BNC2: variants seen among roughly 807,000 people sequenced by gnomAD.
The protein encoded by BNC2 is basonuclin zinc finger protein 2, also known as zinc finger protein basonuclin-2.
A neutral mutation model predicts 76.3 loss-of-function variants in BNC2; 20 were observed. The ratio of observed to expected loss-of-function variants is 0.26; its 90% CI spans 0.18 to 0.38. The LOEUF is 0.38. BNC2 is among the 10% of genes least tolerant of loss of function. The pLI is 1.00. For synonymous variants in BNC2, 582 were observed against 514.8 expected, an observed-to-expected ratio of 1.13 and a Z score of -1.77; for missense variants, 1,382 against 1,399.8, an observed-to-expected ratio of 0.99 and a Z score of 0.20.
At chr9:16,455,412 C>T (rs568847816) in intron 5 of BNC2, among the ~76,000 whole-genome samples, 5 of 152,152 alleles carry the variant, frequency 3.3e-5, no homozygotes, top group South Asian at 4.2e-4. Flanking sequence ...TGCTCCTATA[C>T]CAAAAAGAAA....
chr9:16,781,842 G>A (rs1432146727), intron 1 of BNC2, among the ~76,000 whole-genome samples: 1 of 151,978 alleles, frequency 6.6e-6, no homozygotes, highest in African/African-American at 2.4e-5. Context: ...TGCTTTTTAT[G>A]TTAACTGTAA....
At chr9:16,810,922 T>TAA (rs918620151) in intron 1 of BNC2, among the ~76,000 whole-genome samples, 1 of 152,084 alleles carries the variant, frequency 6.6e-6, no homozygotes, top group Non-Finnish European at 1.5e-5. Flanking sequence ...CGAACTCTTT[T>TAA]AAAACAGTGT....
At chr9:16,487,278 G>A (rs116469875) in intron 5 of BNC2, among the ~76,000 whole-genome samples, 2,619 of 152,206 alleles carry the variant, frequency 0.017, 73 homozygotes, top group African/African-American at 0.059. Context: ...TGGAGGGGGC[G>A]GGCAGTTCTG....
chr9:16,541,814 G>T (rs1175325978), intron 5 of BNC2, among the ~76,000 whole-genome samples: 1 of 152,098 alleles, frequency 6.6e-6, no homozygotes, highest in East Asian at 1.9e-4. Flanking sequence ...GACCTACCAT[G>T]ACCATAAACC....
chr9:16,817,357 G>C (rs1818210844), intron 1 of BNC2, among the ~76,000 whole-genome samples: 1 of 152,062 alleles, frequency 6.6e-6, no homozygotes. Flanking sequence ...AAAATCTAAA[G>C]GTGATAATGA....
At position 16,757,866 on chromosome 9, in the gene BNC2, T is replaced by A. The variant is rs529308038; in HGVS notation, c.4-19381A>T. Among the ~76,000 whole-genome samples, 4 of 152,316 alleles carry A rather than the reference T, an allele frequency of 2.6e-5. No individual in the cohort carries two copies. The East Asian group carries it at 7.7e-4, about 29-fold the overall frequency. On this transcript the variant is annotated intron_variant, in intron 1 of 6. Coordinates refer to ENST00000380672, the MANE Select transcript of BNC2 (RefSeq NM_017637.6). Reference sequence around the variant, plus strand: ...CAAATAGCTTTTTGTTCCTTTACAGTATTTAGAGAGTTTGGTGATAATTTT... The same window carrying A: ...CAAATAGCTTTTTGTTCCTTTACAGAATTTAGAGAGTTTGGTGATAATTTT...
intron 1 of BNC2, among the ~76,000 whole-genome samples, chr9:16,770,339 C>A: frequency 6.6e-6 from 1 of 152,122 alleles, no homozygotes; most frequent in East Asian, 1.9e-4. Context: ...AAAACCTCTC[C>A]CCAAAGCTCA....
intron 5 of BNC2, among the ~76,000 whole-genome samples, chr9:16,536,229 C>T (rs1818126260): frequency 6.6e-6 from 1 of 152,014 alleles, no homozygotes; most frequent in African/African-American, 2.4e-5. Context: ...TCTTGTATAC[C>T]TTTCTATACC....
intron 3 of BNC2, among the ~76,000 whole-genome samples, chr9:16,651,722 A>G (rs1012355341): frequency 2.6e-5 from 4 of 152,206 alleles, no homozygotes; most frequent in Non-Finnish European, 4.4e-5. Context: ...TGCGTCTTCA[A>G]AAGACCTGCA....
chr9:16,800,969 A>G (rs534014317), intron 1 of BNC2, among the ~76,000 whole-genome samples: 1 of 152,308 alleles, frequency 6.6e-6, no homozygotes, highest in Admixed American at 6.5e-5. Flanking sequence ...AGTTGTTGCT[A>G]ATGTTTTTTC....
chr9:16,495,155 G>A (rs989654311), intron 5 of BNC2, among the ~76,000 whole-genome samples: 79 of 152,126 alleles, frequency 5.2e-4, no homozygotes, highest in Admixed American at 2.6e-4. Flanking sequence ...CCTGAATAAG[G>A]TGGTGATAAA....
chr9:16,456,951 G>A (rs544954567), intron 5 of BNC2, among the ~76,000 whole-genome samples: 12 of 152,214 alleles, frequency 7.9e-5, no homozygotes, highest in African/African-American at 2.9e-4. Flanking sequence ...AGTTAGTACT[G>A]GTTTCTAATT....
At chr9:16,817,590 T>C (rs111434375) in intron 1 of BNC2, among the ~76,000 whole-genome samples, 7 of 152,258 alleles carry the variant, frequency 4.6e-5, no homozygotes, top group African/African-American at 1.7e-4. Flanking sequence ...AACTGAGCAG[T>C]ATTGATGAAA....
At chr9:16,707,804 G>C (rs1371711916) in intron 3 of BNC2, among the ~76,000 whole-genome samples, 1 of 152,032 alleles carries the variant, frequency 6.6e-6, no homozygotes, top group South Asian at 2.1e-4. Context: ...ACCACACCCG[G>C]CTAATTTTTA....
chr9:16,651,022 AGT>A (rs1344572532), intron 3 of BNC2, among the ~76,000 whole-genome samples: 2 of 152,220 alleles, frequency 1.3e-5, no homozygotes, highest in African/African-American at 4.8e-5. Flanking sequence ...CAGAAAGGAT[AGT>A]AACTGTTTAC....
intron 6 of BNC2, among the ~76,000 whole-genome samples, chr9:16,428,748 C>A (rs79416708): frequency 1.3e-5 from 2 of 151,880 alleles, no homozygotes; most frequent in Non-Finnish European, 2.9e-5. Flanking sequence ...ACATTTTTCC[C>A]CCTAGTTAAT....
At chr9:16,868,863 G>T (rs1819606863) in intron 1 of BNC2, among the ~76,000 whole-genome samples, 1 of 152,102 alleles carries the variant, frequency 6.6e-6, no homozygotes, top group African/African-American at 2.4e-5. Flanking sequence ...CACTACTAGG[G>T]TACATCTTCA....
rs1563806505 is a variant in BNC2 at position 16,487,631 on chromosome 9, C to T, written c.670-50107G>A. On this transcript the variant is annotated intron_variant, in intron 5 of 6. Coordinates refer to ENST00000380672, the MANE Select transcript of BNC2 (RefSeq NM_017637.6). Reference sequence around the variant, plus strand: ...GACCAAAGAGAGCACTGAACCCCAGCCAAGTCCTATGAGAAAAAAGTGACA... The same window carrying T: ...GACCAAAGAGAGCACTGAACCCCAGTCAAGTCCTATGAGAAAAAAGTGACA... Among the ~76,000 whole-genome samples, 6 of 152,252 alleles carry T rather than the reference C, an allele frequency of 3.9e-5. No homozygotes were observed. In the South Asian group the frequency reaches 1.2e-3, roughly 32 times the overall value.
At chr9:16,673,035 T>C (rs1019715443) in intron 3 of BNC2, among the ~76,000 whole-genome samples, 7 of 152,146 alleles carry the variant, frequency 4.6e-5, no homozygotes, top group African/African-American at 1.7e-4. Flanking sequence ...CTGTTTAGTT[T>C]TGGGGGGGTT....
Sources: allele counts gnomAD v4.1 joint callset (sites outside exome capture counted in the v4.1 genomes callset), GRCh38; gene constraint gnomAD v4.1.1; transcripts MANE v1.5; gene names NCBI Gene and HGNC (gene_info 2026-07-23, HGNC 2026-07-21).